OSMR: variants seen among roughly 807,000 people sequenced by gnomAD.
The protein encoded by OSMR is oncostatin M receptor, also known as oncostatin-M-specific receptor subunit beta.
Under a neutral mutation model 99.9 loss-of-function variants are expected in OSMR, and 81 were observed. The ratio of observed to expected loss-of-function variants is 0.81; its 90% CI spans 0.68 to 0.97. The LOEUF is 0.97. Ranked by LOEUF, OSMR falls within the 50% of genes least tolerant of loss-of-function variation. The pLI, the probability that OSMR is intolerant of heterozygous loss-of-function variation, is 0.00. For synonymous variants in OSMR, 406 were observed against 410.4 expected, an observed-to-expected ratio of 0.99 and a Z score of 0.13; for missense variants, 1,099 against 1,153.4, an observed-to-expected ratio of 0.95 and a Z score of 0.68.
At chr5:38,942,323 T>G in intron 1 of OSMR, 2 of 1,596,736 alleles carry the variant, frequency 1.3e-6, no homozygotes, top group Non-Finnish European at 1.7e-6. Context: ...AGCAGATGTA[T>G]CAACTATAGG....
At chr5:38,943,607 G>A (rs1464018605) in intron 1 of OSMR, among the ~76,000 whole-genome samples, 1 of 152,184 alleles carries the variant, frequency 6.6e-6, no homozygotes, top group Non-Finnish European at 1.5e-5. Context: ...GAGGTCAGGA[G>A]TTTGAGACCA....
intron 9 of OSMR, among the ~76,000 whole-genome samples, chr5:38,916,168 T>G (rs991977999): frequency 6.6e-6 from 1 of 152,246 alleles, no homozygotes; most frequent in Non-Finnish European, 1.5e-5. Flanking sequence ...TAATAGGACT[T>G]TCATAATATT....
At chr5:38,860,585 ATTAG>A (rs750514197) in intron 1 of OSMR, among the ~76,000 whole-genome samples, 5 of 152,302 alleles carry the variant, frequency 3.3e-5, no homozygotes, top group East Asian at 1.9e-4. Flanking sequence ...GCCTTGTAGA[ATTAG>A]TTAGAGAGAA....
intron 2 of OSMR, chr5:38,944,650 T>C: frequency 7.9e-7 from 1 of 1,270,268 alleles, no homozygotes; most frequent in Non-Finnish European, 1.1e-6. Context: ...ATTTTTAAAC[T>C]TCACCTAAAG....
At chr5:38,861,863 C>T (rs1421140347) in intron 1 of OSMR, among the ~76,000 whole-genome samples, 7 of 139,206 alleles carry the variant, frequency 5.0e-5, no homozygotes, top group South Asian at 2.3e-4. Context: ...GGCGGCTGGC[C>T]GGGCGGGGGG....
chr5:38,916,772 G>A (rs180745076), intron 9 of OSMR, among the ~76,000 whole-genome samples: 5 of 152,238 alleles, frequency 3.3e-5, no homozygotes, highest in Admixed American at 6.5e-5. Flanking sequence ...ATTGAAGCAG[G>A]TTGTTTTCTG....
At chr5:38,906,198 A>G in intron 9 of OSMR, among the ~76,000 whole-genome samples, 1 of 151,676 alleles carries the variant, frequency 6.6e-6, no homozygotes, top group East Asian at 1.9e-4. Context: ...TTATTCCAAC[A>G]TAACTAAAAT....
intron 4 of OSMR, among the ~76,000 whole-genome samples, chr5:38,882,980 G>C (rs184002316): frequency 7.9e-5 from 12 of 152,236 alleles, no homozygotes; most frequent in African/African-American, 2.9e-4. Context: ...TCCTACTATG[G>C]AAAGAAGGAC....
intron 2 of OSMR, among the ~76,000 whole-genome samples, chr5:38,873,382 A>G (rs1396608005): frequency 1.3e-5 from 2 of 152,232 alleles, no homozygotes; most frequent in Admixed American, 1.3e-4. Context: ...ATTGTGAATA[A>G]CGCTGCTACA....
At position 38,924,439 on chromosome 5, in the gene OSMR, C is replaced by T. The variant is rs1363558885; in HGVS notation, c.1888C>T (p.His630Tyr). 4 of 1,614,140 alleles carry T rather than the reference C, an allele frequency of 2.5e-6. No homozygotes were observed. Among genetic ancestry groups the T allele is most frequent in the South Asian group, 1.1e-5 (1 of 91,078 alleles). Residue 630 changes from histidine (H) to tyrosine (Y), a missense_variant, in exon 14 of 18, where the codon CAC (histidine) becomes TAC (tyrosine). Coordinates refer to ENST00000274276, the MANE Select transcript of OSMR (RefSeq NM_003999.3). ...TTTCCTAGCTCCTTCAGACAACCCT[C>T]ACGTGCTGGTGGATACATTGACATC... Reference protein sequence around the residue: ...SQELAPSDNPHVLVDTLTSHS... With the variant: ...SQELAPSDNPYVLVDTLTSHS...
chr5:38,911,718 T>A (rs887469468), intron 9 of OSMR, among the ~76,000 whole-genome samples: 2 of 152,100 alleles, frequency 1.3e-5, no homozygotes, highest in Non-Finnish European at 2.9e-5. Context: ...TCCACCACAA[T>A]CAAGTAAGCT....
intron 12 of OSMR, among the ~76,000 whole-genome samples, chr5:38,922,055 C>G (rs1185299748): frequency 2.6e-5 from 4 of 152,132 alleles, no homozygotes; most frequent in Admixed American, 2.6e-4. Context: ...AGTGCATAGT[C>G]TCGAATGGCA....
chr5:38,873,033 A>G (rs1259612762), intron 2 of OSMR, among the ~76,000 whole-genome samples: 1 of 152,218 alleles, frequency 6.6e-6, no homozygotes, highest in Non-Finnish European at 1.5e-5. Context: ...CAATCACCCA[A>G]TTCAGTTCCA....
intron 1 of OSMR, among the ~76,000 whole-genome samples, chr5:38,865,056 AT>A (rs1163151205): frequency 1.3e-5 from 2 of 152,038 alleles, no homozygotes; most frequent in Non-Finnish European, 2.9e-5. Flanking sequence ...GAAGCTCTTG[AT>A]TGTATTTTTT....
chr5:38,942,946 A>G, intron 1 of OSMR: 1 of 1,605,742 alleles, frequency 6.2e-7, no homozygotes, highest in Non-Finnish European at 8.5e-7. Flanking sequence ...ATGTCATCAA[A>G]TGTTTGAGGA....
intron 2 of OSMR, among the ~76,000 whole-genome samples, chr5:38,869,955 A>T (rs1387197579): frequency 1.3e-5 from 2 of 152,168 alleles, no homozygotes; most frequent in Non-Finnish European, 2.9e-5. Flanking sequence ...TCCTGTCCAC[A>T]GATTCATGAA....
intron 1 of OSMR, among the ~76,000 whole-genome samples, chr5:38,855,745 C>T (rs1740788295): frequency 6.7e-6 from 1 of 149,906 alleles, no homozygotes; most frequent in Admixed American, 6.7e-5. Context: ...CCTCACTTCA[C>T]TGTTGTCCCT....
At chr5:38,859,177 T>A (rs917168687) in intron 1 of OSMR, among the ~76,000 whole-genome samples, 2 of 152,192 alleles carry the variant, frequency 1.3e-5, no homozygotes, top group African/African-American at 4.8e-5. Flanking sequence ...ATTGTTGCCT[T>A]GACCAATGTT....
At chr5:38,941,486 T>C (rs916734222) in intron 1 of OSMR, 2 of 231,588 alleles carry the variant, frequency 8.6e-6, no homozygotes, top group Non-Finnish European at 8.6e-6. Flanking sequence ...AGCGATGAGA[T>C]GGAAAGTTGA....
Sources: allele counts gnomAD v4.1 joint callset (sites outside exome capture counted in the v4.1 genomes callset), GRCh38; gene constraint gnomAD v4.1.1; transcripts MANE v1.5; gene names NCBI Gene and HGNC (gene_info 2026-07-23, HGNC 2026-07-21).